ABTB3: variants seen among roughly 807,000 people sequenced by gnomAD.
ABTB3 encodes ankyrin repeat- and BTB/POZ domain-containing protein 3.
chr12:107,336,015 G>A, the ABTB3 span, among the ~76,000 whole-genome samples: 4 of 152,000 alleles, frequency 2.6e-5, no homozygotes, highest in South Asian at 2.1e-4. Context: ...CCCACCACCC[G>A]CCCAATGCAA....
the ABTB3 span, among the ~76,000 whole-genome samples, chr12:107,578,748 G>A: frequency 3.3e-5 from 5 of 152,182 alleles, no homozygotes; most frequent in Non-Finnish European, 5.9e-5. Flanking sequence ...TTCAGTTTAG[G>A]TGATGGAGAG....
At chr12:107,518,983 T>C in the ABTB3 span, among the ~76,000 whole-genome samples, 1 of 152,228 alleles carries the variant, frequency 6.6e-6, no homozygotes, top group Non-Finnish European at 1.5e-5. Flanking sequence ...ATCATGGGAT[T>C]ATGTGTGTTC....
the ABTB3 span, among the ~76,000 whole-genome samples, chr12:107,413,310 C>T: frequency 6.6e-6 from 1 of 152,198 alleles, no homozygotes; most frequent in African/African-American, 2.4e-5. Flanking sequence ...AATTTGGGAA[C>T]TGCCACCTTA....
chr12:107,617,016 C>T, the ABTB3 span: 185 of 1,489,414 alleles, frequency 1.2e-4, 2 homozygotes, highest in South Asian at 1.9e-3. Context: ...CTCACCCATC[C>T]CAGCAGTCTT....
the ABTB3 span, among the ~76,000 whole-genome samples, chr12:107,366,458 T>C: frequency 6.6e-6 from 1 of 152,174 alleles, no homozygotes; most frequent in East Asian, 1.9e-4. Flanking sequence ...CTCTGGAGAA[T>C]ACCATTTGAG....
the ABTB3 span, among the ~76,000 whole-genome samples, chr12:107,564,701 C>T: frequency 9.8e-5 from 15 of 152,310 alleles, no homozygotes; most frequent in South Asian, 2.1e-4. Context: ...TATTAAAGAA[C>T]GGGATGGAAC....
chr12:107,400,980 G>C, the ABTB3 span, among the ~76,000 whole-genome samples: 1 of 152,112 alleles, frequency 6.6e-6, no homozygotes, highest in Non-Finnish European at 1.5e-5. Flanking sequence ...GAGAAGGGCC[G>C]GTCCCTACCT....
At chr12:107,324,994 G>T in the ABTB3 span, among the ~76,000 whole-genome samples, 19 of 152,270 alleles carry the variant, frequency 1.2e-4, 1 homozygote, top group South Asian at 3.9e-3. Flanking sequence ...AACCCAAACC[G>T]AACGCAATGG....
the ABTB3 span, among the ~76,000 whole-genome samples, chr12:107,608,941 A>ATAAAATAAAATAAAAT: frequency 7.0e-5 from 6 of 86,146 alleles, no homozygotes; most frequent in Admixed American, 7.6e-4. Flanking sequence ...ATAAAATAAA[A>ATAAAATAAAATAAAAT]TAAATAAAAT....
the ABTB3 span, chr12:107,543,797 G>C: frequency 1.4e-6 from 1 of 707,002 alleles, no homozygotes. Context: ...TGCTTGGTGA[G>C]TGACTTCAAG....
the ABTB3 span, among the ~76,000 whole-genome samples, chr12:107,420,279 A>C: frequency 6.6e-6 from 1 of 152,166 alleles, no homozygotes; most frequent in Non-Finnish European, 1.5e-5. Context: ...TTGGTGTATT[A>C]GTCCATTTTC....
chr12:107,477,483 A>C, the ABTB3 span, among the ~76,000 whole-genome samples: 1 of 152,158 alleles, frequency 6.6e-6, no homozygotes, highest in African/African-American at 2.4e-5. Context: ...CTTTGGAAAG[A>C]AGGTGCTAGA....
At chr12:107,375,104 T>G in the ABTB3 span, among the ~76,000 whole-genome samples, 9 of 152,150 alleles carry the variant, frequency 5.9e-5, no homozygotes, top group African/African-American at 2.2e-4. Context: ...AGGTGTTAAG[T>G]GTTAGGGGTT....
chr12:107,422,926 A>G, the ABTB3 span, among the ~76,000 whole-genome samples: 1 of 152,194 alleles, frequency 6.6e-6, no homozygotes, highest in Non-Finnish European at 1.5e-5. Context: ...GCTGACACAA[A>G]GCTTATGGAT....
At chr12:107,344,612 T>C in the ABTB3 span, among the ~76,000 whole-genome samples, 1 of 152,188 alleles carries the variant, frequency 6.6e-6, no homozygotes, top group Non-Finnish European at 1.5e-5. Context: ...TGAACTACAA[T>C]TGACCTCGTG....
chr12:107,360,929 A>ACTTTTTTTTTTT, the ABTB3 span, among the ~76,000 whole-genome samples: 1 of 28,364 alleles, frequency 3.5e-5, no homozygotes, highest in Non-Finnish European at 6.5e-5. Flanking sequence ...AATTTAATTT[A>ACTTTTTTTTTTT]ATTTTTTTTT....
At chr12:107,595,547 C>T in the ABTB3 span, among the ~76,000 whole-genome samples, 7 of 152,256 alleles carry the variant, frequency 4.6e-5, no homozygotes, top group Middle Eastern at 3.4e-3. Context: ...TGGCACCCTA[C>T]GCAGTACCTG....
chr12:107,498,733 A>G, the ABTB3 span, among the ~76,000 whole-genome samples: 1 of 151,902 alleles, frequency 6.6e-6, no homozygotes, highest in Non-Finnish European at 1.5e-5. Flanking sequence ...AACCCAGGAT[A>G]CTCTCTGTAT....
chr12:107,331,217 T>A, the ABTB3 span, among the ~76,000 whole-genome samples: 1 of 152,168 alleles, frequency 6.6e-6, no homozygotes, highest in East Asian at 1.9e-4. Flanking sequence ...TCTCTCTGAC[T>A]CCTCCCTCAG....
Sources: allele counts gnomAD v4.1 joint callset (sites outside exome capture counted in the v4.1 genomes callset), GRCh38; gene constraint gnomAD v4.1.1; transcripts MANE v1.5; gene names NCBI Gene and HGNC (gene_info 2026-07-23, HGNC 2026-07-21).